Variants in MARK4 observed in about 807,000 individuals in gnomAD.
MARK4 encodes the protein microtubule affinity regulating kinase 4, also known as MAP/microtubule affinity-regulating kinase 4.
MARK4 carries 19 observed loss-of-function variants against 81.5 expected under a neutral mutation model. The ratio of observed to expected loss-of-function variants is 0.23; its 90% CI spans 0.16 to 0.34. MARK4 has a LOEUF of 0.34. MARK4 is among the 10% of genes least tolerant of loss of function. The pLI is 1.00. For missense variants in MARK4, 772 were observed against 1,058.8 expected, an observed-to-expected ratio of 0.73 and a Z score of 3.76; for synonymous variants, 436 against 439.0, an observed-to-expected ratio of 0.99 and a Z score of 0.08.
At position 45,302,021 on chromosome 19, in the gene MARK4, C is replaced by T. The variant is rs1970982127; in HGVS notation, c.1923-353C>T. ...TTCCCTGGAGCCCTTGTCATCTTCA[C>T]AGTTGAGGCTGGCCTGTGCCACTGC... On this transcript the variant is annotated intron_variant, in intron 16 of 16. Coordinates refer to ENST00000262891, the MANE Select transcript of MARK4 (RefSeq NM_001199867.2). The surrounding 1 kb of genome is among the most constrained non-coding windows in gnomAD (Gnocchi z 4.9). 6.6e-6 allele frequency among the ~76,000 whole-genome samples: 1 copy of T among 152,218 alleles called. No homozygotes were observed. Among genetic ancestry groups the T allele is most frequent in the Non-Finnish European group, 1.5e-5 (1 of 68,042 alleles).
intron 12 of MARK4, among the ~76,000 whole-genome samples, chr19:45,286,436 G>A (rs1970743727): frequency 6.6e-6 from 1 of 150,496 alleles, no homozygotes; most frequent in African/African-American, 2.4e-5. Flanking sequence ...GGGACCGGGT[G>A]CGGTGGCTCA....
At chr19:45,276,259 T>C (rs1368737769) in intron 8 of MARK4, among the ~76,000 whole-genome samples, 1 of 152,144 alleles carries the variant, frequency 6.6e-6, no homozygotes, top group African/African-American at 2.4e-5. Flanking sequence ...ACTCACGGGC[T>C]CAAGCGGTCT....
At chr19:45,287,787 A>G in intron 13 of MARK4, 123 bp downstream of exon 13, 1 of 1,128,902 alleles carries the variant, frequency 8.9e-7, no homozygotes. Context: ...CTACCCATTC[A>G]TTCATTCAAC....
intron 8 of MARK4, among the ~76,000 whole-genome samples, chr19:45,274,637 A>G (rs1568495549): frequency 6.6e-6 from 1 of 152,252 alleles, no homozygotes; most frequent in South Asian, 2.1e-4. Flanking sequence ...TCTCAAAAAA[A>G]CAAAACAAAA....
chr19:45,300,008 C>T (rs1424747086), intron 16 of MARK4, among the ~76,000 whole-genome samples, 153 bp downstream of exon 16: 1 of 152,210 alleles, frequency 6.6e-6, no homozygotes, highest in African/African-American at 2.4e-5. Context: ...TCTGCCAGCT[C>T]CTCTCATTCC....
chr19:45,269,271 C>T (rs948221327), intron 7 of MARK4, among the ~76,000 whole-genome samples: 7 of 151,922 alleles, frequency 4.6e-5, no homozygotes, highest in South Asian at 2.1e-4. Flanking sequence ...CCCAGGTACT[C>T]GGGAGGCTGA....
chr19:45,255,433 C>T (rs1017139597), intron 1 of MARK4, among the ~76,000 whole-genome samples: 7 of 151,658 alleles, frequency 4.6e-5, no homozygotes, highest in Admixed American at 4.6e-4. Context: ...TGGTGGCGGG[C>T]GTCTGTAATC....
intron 8 of MARK4, 84 bp from the exon 9 acceptor site, chr19:45,277,824 TGTGTGTGTGTGTGTG>T: frequency 1.1e-4 from 2 of 18,152 alleles, no homozygotes; most frequent in Non-Finnish European, 1.5e-4. Context: ...GGACAAAGGT[TGTGTGTGTGTGTGTG>T]TGTGTGTGTG....
In MARK4 at chr19:45,266,351, C is replaced by G. The variant is rs375239131; in HGVS notation, c.549+70C>G. ...CACAGACTTCTCCCTGCCCCCACCC[C>G]TCCATGGTTTCCGTGGCCTCCAGCA... On this transcript the variant is annotated intron_variant, in intron 7 of 16. Coordinates refer to ENST00000262891, the MANE Select transcript of MARK4 (RefSeq NM_001199867.2). 1.5e-4 allele frequency: 218 copies of G among 1,492,672 alleles called. 2 individuals carry two copies. In the African/African-American group the frequency reaches 2.3e-3, roughly 16 times the overall value. 92.5% of individuals were successfully genotyped at this position (1,492,672 alleles called of 1,614,324 possible).
chr19:45,277,448 T>C (rs977463517), intron 8 of MARK4, among the ~76,000 whole-genome samples: 1 of 151,158 alleles, frequency 6.6e-6, no homozygotes, highest in Admixed American at 6.6e-5. Flanking sequence ...TTTTTTTTTT[T>C]TTTTGTAGAG....
intron 15 of MARK4, among the ~76,000 whole-genome samples, chr19:45,298,846 C>T (rs1000324451): frequency 2.6e-5 from 4 of 151,862 alleles, no homozygotes; most frequent in Non-Finnish European, 4.4e-5. Flanking sequence ...GAGGCTGAGG[C>T]GAGGGGATCA....
chr19:45,282,414 G>A (rs561702801), intron 12 of MARK4, among the ~76,000 whole-genome samples: 28 of 151,734 alleles, frequency 1.8e-4, no homozygotes, highest in Non-Finnish European at 3.1e-4. Flanking sequence ...AATTCAGGCC[G>A]GGCATGGTGG....
chr19:45,255,342 C>G (rs546263997), intron 1 of MARK4, among the ~76,000 whole-genome samples: 5 of 152,114 alleles, frequency 3.3e-5, no homozygotes, highest in Admixed American at 2.0e-4. Context: ...GGGCAGATCA[C>G]CTGAGGTCAG....
intron 3 of MARK4, 72 bp from the exon 4 acceptor site, chr19:45,263,247 C>T: frequency 1.2e-6 from 2 of 1,613,364 alleles, no homozygotes; most frequent in East Asian, 2.2e-5. Flanking sequence ...CCTGCGGGGG[C>T]CCGGCTGGGG....
intron 12 of MARK4, among the ~76,000 whole-genome samples, chr19:45,286,492 T>C (rs1970744656): frequency 6.6e-6 from 1 of 151,594 alleles, no homozygotes; most frequent in Admixed American, 6.6e-5. Flanking sequence ...GGAGGATCGC[T>C]GGAGTCCAGG....
intron 12 of MARK4, among the ~76,000 whole-genome samples, chr19:45,287,165 C>G (rs1168419922): frequency 6.9e-6 from 1 of 144,808 alleles, no homozygotes; most frequent in African/African-American, 2.6e-5. Context: ...GATCGCACCA[C>G]TGCACTCCAG....
chr19:45,275,209 C>T (rs529684738), intron 8 of MARK4, among the ~76,000 whole-genome samples: 4 of 151,996 alleles, frequency 2.6e-5, no homozygotes, highest in South Asian at 2.1e-4. Flanking sequence ...TCCAGTGAGC[C>T]GAGATTGCGC....
At chr19:45,270,808 T>C (rs1293588811) in intron 7 of MARK4, among the ~76,000 whole-genome samples, 1 of 152,162 alleles carries the variant, frequency 6.6e-6, no homozygotes, top group Non-Finnish European at 1.5e-5. Context: ...TTCGCTCTTG[T>C]TGCCCAGGCT....
At chr19:45,291,102 G>A (rs1970814913) in intron 13 of MARK4, among the ~76,000 whole-genome samples, 1 of 152,202 alleles carries the variant, frequency 6.6e-6, no homozygotes, top group Non-Finnish European at 1.5e-5. Context: ...GAGACCTGGA[G>A]CTTCACAATG....
Sources: allele counts gnomAD v4.1 joint callset (sites outside exome capture counted in the v4.1 genomes callset), GRCh38; gene constraint gnomAD v4.1.1; non-coding constraint Gnocchi (gnomAD v3.1); transcripts MANE v1.5; gene names NCBI Gene and HGNC (gene_info 2026-07-23, HGNC 2026-07-21).